SLC4A4: variants seen among roughly 807,000 people sequenced by gnomAD.
The protein encoded by SLC4A4 is electrogenic sodium bicarbonate cotransporter 1.
A neutral mutation model predicts 111.5 loss-of-function variants in SLC4A4; 27 were observed. The ratio of observed to expected loss-of-function variants is 0.24; its 90% CI spans 0.18 to 0.33. SLC4A4 has a LOEUF of 0.33. Ranked by LOEUF, SLC4A4 falls within the 10% of genes least tolerant of loss-of-function variation. The pLI is 1.00. For synonymous variants in SLC4A4, 443 were observed against 463.4 expected (o/e 0.96, Z 0.57); for missense variants, 909 against 1,315.5 (o/e 0.69, Z 4.78).
chr4:71,559,981 A>G, intron 22 of SLC4A4, 112 bp from the exon 23 acceptor site: 1 of 818,422 alleles, frequency 1.2e-6, no homozygotes, highest in Non-Finnish European at 2.1e-6. Flanking sequence ...GTCATACTCT[A>G]TCTAGCCTTA....
intron 12 of SLC4A4, among the ~76,000 whole-genome samples, chr4:71,456,287 C>A (rs1307679487): frequency 6.6e-6 from 1 of 152,050 alleles, no homozygotes; most frequent in Non-Finnish European, 1.5e-5. Context: ...TCCTAGAATA[C>A]AATTTTGATA....
At chr4:71,544,623 A>G (rs927315089) in intron 18 of SLC4A4, among the ~76,000 whole-genome samples, 1 of 152,126 alleles carries the variant, frequency 6.6e-6, no homozygotes, top group African/African-American at 2.4e-5. Flanking sequence ...GTTTCTTCCA[A>G]TGGTTATTTA....
chr4:71,144,695 T>C (rs1184427351), intron 2 of SLC4A4, among the ~76,000 whole-genome samples: 2 of 151,908 alleles, frequency 1.3e-5, no homozygotes, highest in African/African-American at 4.8e-5. Flanking sequence ...AGGTATTTTA[T>C]TCTCTTTGAA....
At chr4:71,470,232 T>A (rs900056398) in intron 13 of SLC4A4, among the ~76,000 whole-genome samples, 7 of 151,994 alleles carry the variant, frequency 4.6e-5, no homozygotes, top group Non-Finnish European at 8.8e-5. Context: ...ATGCATAGGA[T>A]GAAAACAGTG....
intron 3 of SLC4A4, among the ~76,000 whole-genome samples, chr4:71,297,983 C>T (rs1578781134): frequency 6.6e-6 from 1 of 152,130 alleles, no homozygotes; most frequent in Admixed American, 6.5e-5. Context: ...TTTGGAAGAC[C>T]TTGGTTCAAG....
intron 2 of SLC4A4, 110 bp downstream of exon 2, chr4:71,236,759 T>C: frequency 1.1e-6 from 1 of 902,510 alleles, no homozygotes; most frequent in Non-Finnish European, 1.8e-6. Flanking sequence ...ACACCAAACC[T>C]TTTCTATAGA....
intron 2 of SLC4A4, among the ~76,000 whole-genome samples, chr4:71,095,682 T>C (rs1447573093): frequency 6.6e-6 from 1 of 152,148 alleles, no homozygotes; most frequent in African/African-American, 2.4e-5. Context: ...ATATATATAA[T>C]AGTGAACAAG....
At chr4:71,383,071 A>G (rs1718309595) in intron 6 of SLC4A4, among the ~76,000 whole-genome samples, 1 of 152,096 alleles carries the variant, frequency 6.6e-6, no homozygotes, top group African/African-American at 2.4e-5. Context: ...CTTTTTTTGC[A>G]TGGTGATTCA....
At chr4:71,108,283 T>C (rs145128028) in intron 2 of SLC4A4, among the ~76,000 whole-genome samples, 1 of 152,358 alleles carries the variant, frequency 6.6e-6, no homozygotes, top group Non-Finnish European at 1.5e-5. Context: ...CTGTCTAATG[T>C]TCTTTCATTT....
At chr4:71,458,762 T>C (rs1450902476) in intron 12 of SLC4A4, among the ~76,000 whole-genome samples, 2 of 152,098 alleles carry the variant, frequency 1.3e-5, no homozygotes, top group Non-Finnish European at 2.9e-5. Context: ...AAGCCTATTA[T>C]GTGTAATTTA....
chr4:71,485,830 A>G (rs914306748), intron 14 of SLC4A4, among the ~76,000 whole-genome samples: 3 of 151,534 alleles, frequency 2.0e-5, no homozygotes, highest in African/African-American at 7.3e-5. Flanking sequence ...ATTGACAGTA[A>G]ACAAATATTT....
chr4:71,065,334 C>T (rs541737887), intron 1 of SLC4A4, among the ~76,000 whole-genome samples: 1 of 144,234 alleles, frequency 6.9e-6, no homozygotes, highest in African/African-American at 2.4e-5. Flanking sequence ...TGCCCATCGT[C>T]ATCCAGTCTG....
At chr4:71,128,304 C>G (rs948663408) in intron 2 of SLC4A4, among the ~76,000 whole-genome samples, 1 of 152,088 alleles carries the variant, frequency 6.6e-6, no homozygotes, top group African/African-American at 2.4e-5. Context: ...CGTCAGATCT[C>G]GTGAGACCCA....
chr4:71,533,524 T>C (rs1734131608), intron 17 of SLC4A4, among the ~76,000 whole-genome samples: 1 of 152,078 alleles, frequency 6.6e-6, no homozygotes, highest in African/African-American at 2.4e-5. Flanking sequence ...CCCTTTTTTT[T>C]CTGTAGTAGA....
chr4:71,315,433 G>GA (rs1244945831), intron 3 of SLC4A4, among the ~76,000 whole-genome samples: 3 of 152,136 alleles, frequency 2.0e-5, no homozygotes, highest in Middle Eastern at 3.2e-3. Context: ...ATTATGATAA[G>GA]AAACTGAAAG....
intron 6 of SLC4A4, among the ~76,000 whole-genome samples, chr4:71,364,167 A>T (rs1298724571): frequency 3.9e-5 from 6 of 152,178 alleles, no homozygotes; most frequent in Non-Finnish European, 8.8e-5. Context: ...TTGAAGGCCT[A>T]CTTTGTAATC....
intron 3 of SLC4A4, among the ~76,000 whole-genome samples, chr4:71,326,586 A>T (rs112199201): frequency 5.1e-4 from 77 of 152,150 alleles, no homozygotes; most frequent in African/African-American, 1.8e-3. Context: ...TGTTTTGAGG[A>T]TTCAATGAGA....
chr4:71,401,340 G>A (rs1034652774), intron 7 of SLC4A4, among the ~76,000 whole-genome samples: 3 of 152,146 alleles, frequency 2.0e-5, no homozygotes, highest in Non-Finnish European at 4.4e-5. Flanking sequence ...AGCAGAAGAA[G>A]AGCATAGCCA....
At chr4:71,300,725 G>A in intron 3 of SLC4A4, 2 of 373,600 alleles carry the variant, frequency 5.4e-6, no homozygotes, top group South Asian at 4.9e-5. Context: ...GCTTCTGGAG[G>A]GGGCCTGGGA....
Sources: allele counts gnomAD v4.1 joint callset (sites outside exome capture counted in the v4.1 genomes callset), GRCh38; gene constraint gnomAD v4.1.1; transcripts MANE v1.5; gene names NCBI Gene and HGNC (gene_info 2026-07-23, HGNC 2026-07-21).